SIPA1L1: variants seen among roughly 807,000 people sequenced by gnomAD.
SIPA1L1 encodes the protein signal-induced proliferation-associated 1-like protein 1.
SIPA1L1 carries 26 observed loss-of-function variants against 162.7 expected under a neutral mutation model. The observed-to-expected ratio is 0.16, with a 90% confidence interval of 0.12 to 0.22. The LOEUF (loss-of-function observed/expected upper bound fraction) is 0.22, where lower values mean the gene tolerates loss of function less well. Ranked by LOEUF, SIPA1L1 falls within the 10% of genes least tolerant of loss-of-function variation. The pLI is 1.00. For missense variants in SIPA1L1, 1,874 were observed against 2,241.0 expected (o/e 0.84, Z 3.31); for synonymous variants, 829 against 837.4 (o/e 0.99, Z 0.17).
At chr14:71,698,835 C>G in intron 13 of SIPA1L1, 146 bp from the exon 14 acceptor site, 1 of 445,900 alleles carries the variant, frequency 2.2e-6, no homozygotes, top group South Asian at 3.7e-5. Context: ...GGGGAAGTTT[C>G]TTTTGTAGGC....
In SIPA1L1 at chr14:71,661,466, A is replaced by G. The variant is rs369374542; in HGVS notation, c.2254A>G (p.Ser752Gly). 1 of 1,613,486 alleles carries G rather than the reference A, an allele frequency of 6.2e-7. No homozygotes were observed. Among genetic ancestry groups the G allele is most frequent in the African/African-American group, 1.3e-5 (1 of 74,874 alleles). Reference sequence around the variant, plus strand: ...TCCGTGCTCTGACAGTGTCTGTTATAGGTGTGTATGGGTGTCACAGCAGGG... The same window carrying G: ...TCCGTGCTCTGACAGTGTCTGTTATGGGTGTGTATGGGTGTCACAGCAGGG... ...HNPCSDSVCY[S>G]VAVTRSRDVP... The change falls in exon 10 of 24, where the codon AGT becomes GGT. Residue 752 changes from serine (S) to glycine (G), a missense_variant and splice_region_variant. By Grantham distance (56) the Ser-to-Gly change is moderately conservative (BLOSUM62 0). This residue lies in a region of SIPA1L1 where 243 missense variants were observed against 315.0 expected (regional missense o/e 0.77). Transcript: ENST00000381232.
At chr14:71,571,194 G>A (rs892482353) in intron 4 of SIPA1L1, among the ~76,000 whole-genome samples, 8 of 152,138 alleles carry the variant, frequency 5.3e-5, no homozygotes, top group South Asian at 2.1e-4. Context: ...GTTGGAAAAC[G>A]ATGTTTTAAA....
At chr14:71,451,369 C>G (rs1457207420) in intron 2 of SIPA1L1, among the ~76,000 whole-genome samples, 2 of 152,058 alleles carry the variant, frequency 1.3e-5, no homozygotes, top group African/African-American at 4.8e-5. Context: ...AGGCCAGGCA[C>G]CTGCTTGTAA....
chr14:71,479,336 G>GGTTATGTAT (rs1555433706), intron 2 of SIPA1L1, among the ~76,000 whole-genome samples: 1 of 148,218 alleles, frequency 6.7e-6, no homozygotes, highest in African/African-American at 2.5e-5. Context: ...TGTGTATGTA[G>GGTTATGTAT]GTATGTATGT....
intron 7 of SIPA1L1, among the ~76,000 whole-genome samples, chr14:71,632,480 G>A (rs2040679386): frequency 1.3e-5 from 2 of 152,142 alleles, no homozygotes; most frequent in African/African-American, 4.8e-5. Flanking sequence ...AAAACCCACA[G>A]CCTTCCCTCC....
chr14:71,588,432 G>T lies in SIPA1L1; in HGVS notation c.560G>T (p.Ser187Ile). The change falls in exon 5 of 24, where the codon AGC becomes ATC. Residue 187 changes from serine (S) to isoleucine (I), a missense_variant. This residue lies in a region of SIPA1L1 where 685 missense variants were observed against 828.0 expected (regional missense o/e 0.83). Coordinates refer to ENST00000381232, the MANE Select transcript of SIPA1L1 (RefSeq NM_001386936.1). This position sits in a 1 kb window ranked among gnomAD's most constrained non-coding sequence, Gnocchi z 4.3. ...ACCATAAGTGAACTTGATGTGGATA[G>T]CTTTGATGAATGTATCTCACCTACA... ...DITISELDVDSFDECISPTYK... is the reference protein window; with the variant it reads ...DITISELDVDIFDECISPTYK... 6.2e-7 allele frequency: 1 copy of T among 1,614,116 alleles called. No individual in the cohort carries two copies. The highest frequency in any genetic ancestry group is 8.5e-7 in the Non-Finnish European group (1 of 1,179,980).
intron 5 of SIPA1L1, among the ~76,000 whole-genome samples, chr14:71,608,603 A>G (rs1190311797): frequency 6.6e-6 from 1 of 152,184 alleles, no homozygotes; most frequent in African/African-American, 2.4e-5. Flanking sequence ...ACTTAAAAAA[A>G]AGAAATCTTC....
chr14:71,664,388 C>T (rs2149285091), intron 10 of SIPA1L1, among the ~76,000 whole-genome samples: 1 of 152,172 alleles, frequency 6.6e-6, no homozygotes, highest in Admixed American at 6.5e-5. Flanking sequence ...TAGAGTAACT[C>T]AAATGCTTTT....
At chr14:71,424,102 C>T (rs1040828998) in intron 2 of SIPA1L1, among the ~76,000 whole-genome samples, 8 of 152,058 alleles carry the variant, frequency 5.3e-5, no homozygotes, top group Non-Finnish European at 1.2e-4. Flanking sequence ...TATAGAAATG[C>T]AACTGATTTT....
intron 4 of SIPA1L1, among the ~76,000 whole-genome samples, chr14:71,544,114 C>CACATATGCACGTGTATGTATAT (rs2054857028): frequency 7.0e-6 from 1 of 142,322 alleles, no homozygotes. Context: ...TATGTATATA[C>CACATATGCACGTGTATGTATAT]ACATATATGC....
At chr14:71,511,279 A>G (rs1595840697) in intron 2 of SIPA1L1, among the ~76,000 whole-genome samples, 1 of 151,924 alleles carries the variant, frequency 6.6e-6, no homozygotes, top group East Asian at 1.9e-4. Flanking sequence ...GAGCATTTTC[A>G]GCCCCCCTCC....
At chr14:71,609,546 C>T (rs971639628) in intron 5 of SIPA1L1, among the ~76,000 whole-genome samples, 1 of 151,624 alleles carries the variant, frequency 6.6e-6, no homozygotes, top group African/African-American at 2.4e-5. Context: ...AGCTCACTGC[C>T]ACCTCCGCCT....
At chr14:71,417,469 CAAAAAAAAAAAAAAAAAAAAAA>C (rs58628136) in intron 2 of SIPA1L1, among the ~76,000 whole-genome samples, 1 of 17,768 alleles carries the variant, frequency 5.6e-5, no homozygotes, top group Non-Finnish European at 1.0e-4. Flanking sequence ...GACTCCGTCT[CAAAAAAAAAAAAAAAAAAAAAA>C]AAAAAAAAAA....
At chr14:71,582,719 G>A (rs1350825980) in intron 4 of SIPA1L1, among the ~76,000 whole-genome samples, 1 of 152,064 alleles carries the variant, frequency 6.6e-6, no homozygotes, top group African/African-American at 2.4e-5. Flanking sequence ...CATCAGTGTT[G>A]TCTCTTTCAG....
chr14:71,645,420 A>G (rs1596610218), intron 7 of SIPA1L1, among the ~76,000 whole-genome samples: 1 of 152,262 alleles, frequency 6.6e-6, no homozygotes, highest in South Asian at 2.1e-4. Context: ...CCAGTCTTCT[A>G]TGAAAAAGAC....
chr14:71,542,764 T>A (rs2054593329), intron 4 of SIPA1L1, among the ~76,000 whole-genome samples: 1 of 142,436 alleles, frequency 7.0e-6, no homozygotes, highest in African/African-American at 2.5e-5. Context: ...TTTTTTTTTT[T>A]ACGAGATACA....
At chr14:71,433,870 A>C (rs1326875147) in intron 2 of SIPA1L1, among the ~76,000 whole-genome samples, 1 of 152,178 alleles carries the variant, frequency 6.6e-6, no homozygotes, top group African/African-American at 2.4e-5. Context: ...TAAGGATTAT[A>C]TCTTATCTAT....
At chr14:71,453,720 G>A (rs1241477287) in intron 2 of SIPA1L1, among the ~76,000 whole-genome samples, 2 of 152,114 alleles carry the variant, frequency 1.3e-5, no homozygotes, top group African/African-American at 4.8e-5. Flanking sequence ...GAGGCCGGGT[G>A]CAGTGGCTCA....
intron 2 of SIPA1L1, among the ~76,000 whole-genome samples, chr14:71,445,097 T>C (rs1037303728): frequency 6.6e-6 from 1 of 152,218 alleles, no homozygotes. Context: ...TATGAAATAA[T>C]TATAGTTAGT....
Sources: allele counts gnomAD v4.1 joint callset (sites outside exome capture counted in the v4.1 genomes callset), GRCh38; gene constraint gnomAD v4.1.1; regional missense constraint gnomAD v4.1.1; non-coding constraint Gnocchi (gnomAD v3.1); transcripts MANE v1.5; gene names NCBI Gene and HGNC (gene_info 2026-07-23, HGNC 2026-07-21).